FBXO11: variants seen among roughly 807,000 people sequenced by gnomAD.
The protein encoded by FBXO11 is F-box protein 11.
A neutral mutation model predicts 117.0 loss-of-function variants in FBXO11; 13 were observed. That is an observed-to-expected ratio of 0.11 (90% CI 0.07 to 0.18). FBXO11 has a LOEUF of 0.18. FBXO11 is among the 10% of genes least tolerant of loss of function. The pLI is 1.00. For missense variants in FBXO11, 767 were observed against 1,164.4 expected (o/e 0.66, Z 4.97); for synonymous variants, 490 against 380.5 (o/e 1.29, Z -3.35).
At chr2:47,849,044 C>T (rs1486482137) in intron 1 of FBXO11, among the ~76,000 whole-genome samples, 3 of 152,066 alleles carry the variant, frequency 2.0e-5, no homozygotes, top group Admixed American at 1.3e-4. Context: ...CAAATCTGTG[C>T]GACTAACAAC....
At chr2:47,827,247 T>C (rs1671823967) in intron 11 of FBXO11, among the ~76,000 whole-genome samples, 1 of 152,248 alleles carries the variant, frequency 6.6e-6, no homozygotes, top group African/African-American at 2.4e-5. Flanking sequence ...TTTTATAATT[T>C]TGCAAGAAAA....
intron 4 of FBXO11, chr2:47,837,006 G>A (rs1446307532): frequency 3.4e-6 from 1 of 292,660 alleles, no homozygotes; most frequent in Non-Finnish European, 6.7e-6. Context: ...CCAAAGTGCT[G>A]GGATTATAGG....
chr2:47,865,209 T>TA (rs772180104), intron 1 of FBXO11, among the ~76,000 whole-genome samples: 9 of 152,188 alleles, frequency 5.9e-5, no homozygotes, highest in Non-Finnish European at 1.0e-4. Flanking sequence ...CAAATCTATT[T>TA]ACCCCTTCGG....
rs144239753 is a variant in FBXO11 at position 47,858,419 on chromosome 2, C to T, written c.233-18650G>A. ...AATACAGGCCAGGCGTGGTGACTCA[C>T]GCCTGTAATCCCAGCACTTTGGGAG... On this transcript the variant is annotated intron_variant, in intron 1 of 22. Transcript: ENST00000403359. 3.4e-4 allele frequency among the ~76,000 whole-genome samples: 51 copies of T among 151,474 alleles called. No homozygotes were observed. The East Asian group carries it at 9.0e-3, about 27-fold the overall frequency.
intron 1 of FBXO11, among the ~76,000 whole-genome samples, chr2:47,895,865 T>C (rs1019749006): frequency 6.6e-6 from 1 of 152,084 alleles, no homozygotes; most frequent in Non-Finnish European, 1.5e-5. Flanking sequence ...GCTAGCCAAT[T>C]TCTGTATTTT....
Position 47,832,801 on chromosome 2 carries a change from A to G in FBXO11, c.1121T>C (p.Ile374Thr), listed in dbSNP as rs901488680. The G allele has an allele frequency of 1.2e-6, 2 of 1,613,888 alleles. No homozygotes were observed. The highest frequency in any genetic ancestry group is 2.2e-5 in the East Asian group (1 of 44,852). Residue 374 changes from isoleucine to threonine, a missense_variant, in exon 9 of 23, where the codon ATT becomes ACT. By Grantham distance (89) the Ile-to-Thr change is moderately conservative. Coordinates refer to ENST00000403359, the MANE Select transcript of FBXO11 (RefSeq NM_001190274.2). ...TGTACTTCGGATGATACAGTGATCA[A>G]TAATAGGGCTACAATTTACTGTAAT... ...LEITVNCSPIIDHCIIRSTCT... is the reference protein window; with the variant it reads ...LEITVNCSPITDHCIIRSTCT...
chr2:47,891,398 G>C (rs1388068094), intron 1 of FBXO11, among the ~76,000 whole-genome samples: 1 of 152,038 alleles, frequency 6.6e-6, no homozygotes, highest in Non-Finnish European at 1.5e-5. Flanking sequence ...TCTGTGATTG[G>C]CTTATTTCAT....
chr2:47,868,278 C>T (rs1245407742), intron 1 of FBXO11, among the ~76,000 whole-genome samples: 2 of 129,250 alleles, frequency 1.5e-5, no homozygotes, highest in Non-Finnish European at 3.4e-5. Context: ...CAAGACTCTA[C>T]CTCCAAAAAA....
Position 47,818,790 on chromosome 2 carries a change from C to T in FBXO11, c.1995G>A (p.Gly665=), listed in dbSNP as rs368693896. ...ATGAAAACATTTACCTTATCTGAAC[C>T]CCTGAATACATATGATTATAGATAT... ...DNDIYNHMYS[G]VQIRTGSNPK... Residue 665 remains glycine, a synonymous_variant, in exon 16 of 23, where the codon GGG becomes GGA. Coordinates refer to ENST00000403359, the MANE Select transcript of FBXO11 (RefSeq NM_001190274.2). 3 of 1,585,276 alleles carry T rather than the reference C, an allele frequency of 1.9e-6. No homozygotes were observed. Among genetic ancestry groups the T allele is most frequent in the African/African-American group, 2.7e-5 (2 of 72,926 alleles).
rs1670299039 is a variant in FBXO11 at position 47,807,437 on chromosome 2, TCTTAA to T, written c.*676_*680del. On this transcript the variant is annotated 3_prime_UTR_variant, in exon 23 of 23. Transcript: ENST00000403359. The stretch of plus-strand genomic sequence containing the variant: ...CACAGGGAAGGGAAGGAAATAATAG[TCTTAA>T]CTTTTCTTAAAGGATACCAGAAACA... 4.9e-6 allele frequency: 1 copy of T among 204,530 alleles called. No individual in the cohort carries two copies. The highest frequency in any genetic ancestry group is 2.3e-5 in the African/African-American group (1 of 43,710). 12.7% of individuals were successfully genotyped at this position (204,530 alleles called of 1,614,324 possible).
intron 1 of FBXO11, among the ~76,000 whole-genome samples, chr2:47,877,625 G>C (rs1043165750): frequency 6.6e-6 from 1 of 151,924 alleles, no homozygotes; most frequent in Non-Finnish European, 1.5e-5. Context: ...TTACCCTAAC[G>C]ATTTTTCATT....
At chr2:47,857,110 A>T (rs1019705982) in intron 1 of FBXO11, among the ~76,000 whole-genome samples, 3 of 152,240 alleles carry the variant, frequency 2.0e-5, no homozygotes, top group Non-Finnish European at 4.4e-5. Context: ...CAGGATCTTT[A>T]CTTTGCACAC....
intron 14 of FBXO11, among the ~76,000 whole-genome samples, chr2:47,819,573 C>CT (rs1413667338): frequency 1.3e-5 from 2 of 152,090 alleles, no homozygotes; most frequent in Non-Finnish European, 2.9e-5. Context: ...TTATACTGTT[C>CT]TTTAAGTGGT....
At position 47,900,664 on chromosome 2, in the gene FBXO11, GTACGTA is replaced by G. The variant is rs1485276389; in HGVS notation, c.232+4819_232+4824del. Among the ~76,000 whole-genome samples the G allele has an allele frequency of 7.3e-4, 44 of 59,894 alleles. 1 individual carries two copies. The highest frequency in any genetic ancestry group is 1.9e-3 in the South Asian group (2 of 1,062). The allele number at this position is 59,894 out of a possible 152,430, so 39.3% of individuals were successfully genotyped here. ...CGTATATACACACGTATACACACAC[GTACGTA>G]TATACACACGTATACACACACGTAT... On this transcript the variant is annotated intron_variant, in intron 1 of 22. Coordinates refer to ENST00000403359, the MANE Select transcript of FBXO11 (RefSeq NM_001190274.2).
At position 47,809,168 on chromosome 2, in the gene FBXO11, C is replaced by T; in HGVS notation, c.2545G>A (p.Asp849Asn). ...ATATTTCTAAGTTACCTGTAGAAATCATGCATGGGATAGCTGGTATAACTT... is the reference window on the plus strand; with the variant it reads ...ATATTTCTAAGTTACCTGTAGAAATTATGCATGGGATAGCTGGTATAACTT... Reference protein sequence around the residue: ...ISSYTSYPMHDFYRCHTCNTT... With the variant: ...ISSYTSYPMHNFYRCHTCNTT... The change falls in exon 21 of 23, where the codon GAT becomes AAT. Residue 849 changes from aspartate (D) to asparagine (N), a missense_variant. Around this residue, in one of 10 missense-constraint regions of FBXO11, gnomAD observed 47 missense variants for 117.3 expected, o/e 0.40. Transcript: ENST00000403359. 1 of 1,570,794 alleles carries T rather than the reference C, an allele frequency of 6.4e-7. No homozygotes were observed. The highest frequency in any genetic ancestry group is 8.7e-7 in the Non-Finnish European group (1 of 1,151,732).
At chr2:47,823,522 T>C (rs1671528921) in intron 11 of FBXO11, among the ~76,000 whole-genome samples, 162 bp from the exon 12 acceptor site, 1 of 151,964 alleles carries the variant, frequency 6.6e-6, no homozygotes, top group Non-Finnish European at 1.5e-5. Context: ...TTGGGAGCCC[T>C]AGGAAGGTGG....
chr2:47,828,942 C>G (rs1464871370), intron 11 of FBXO11, among the ~76,000 whole-genome samples: 1 of 152,048 alleles, frequency 6.6e-6, no homozygotes, highest in South Asian at 2.1e-4. Flanking sequence ...GACAGAGTCT[C>G]ACTCCTCTGT....
chr2:47,888,158 T>C (rs981915189), intron 1 of FBXO11, among the ~76,000 whole-genome samples: 1 of 152,220 alleles, frequency 6.6e-6, no homozygotes, highest in East Asian at 1.9e-4. Flanking sequence ...GAGTATTCCA[T>C]GCTCCCATCT....
At chr2:47,835,073 C>A (rs1672448127) in intron 5 of FBXO11, among the ~76,000 whole-genome samples, 1 of 152,172 alleles carries the variant, frequency 6.6e-6, no homozygotes, top group Non-Finnish European at 1.5e-5. Context: ...CAGGGTTTCT[C>A]AATCTCAGCA....
Sources: gnomAD v4.1 joint callset for allele counts (sites outside exome capture counted in the v4.1 genomes callset) on GRCh38, gnomAD v4.1.1 for gene constraint, gnomAD v4.1.1 regional missense constraint, MANE v1.5 for transcripts, NCBI Gene and HGNC (gene_info 2026-07-23, HGNC 2026-07-21) for gene names.